The following MYO1D variants were observed in gnomAD, a reference collection of about 807,000 sequenced individuals.
The protein encoded by MYO1D is unconventional myosin-Id.
Under a neutral mutation model 122.0 loss-of-function variants are expected in MYO1D, and 83 were observed. The ratio of observed to expected loss-of-function variants is 0.68; its 90% confidence interval spans 0.57 to 0.82. The LOEUF is 0.82. Ranked by LOEUF, MYO1D falls within the 40% of genes least tolerant of loss-of-function variation. The probability of loss-of-function intolerance (pLI) is 0.00; values close to 1 mark genes in which losing one functional copy is unlikely to be tolerated. For synonymous variants in MYO1D, 464 were observed against 446.9 expected (o/e 1.04, Z -0.48); for missense variants, 1,157 against 1,269.5 (o/e 0.91, Z 1.35).
At chr17:32,874,286 CTTT>C (rs1211504949) in intron 1 of MYO1D, among the ~76,000 whole-genome samples, 1 of 151,900 alleles carries the variant, frequency 6.6e-6, no homozygotes, top group East Asian at 1.9e-4. Flanking sequence ...CTTCCTTCCT[CTTT>C]ATCTGTCTCT....
At chr17:32,773,216 A>G (rs1202087944) in intron 4 of MYO1D, among the ~76,000 whole-genome samples, 1 of 151,886 alleles carries the variant, frequency 6.6e-6, no homozygotes, top group Non-Finnish European at 1.5e-5. Flanking sequence ...CTCTCTTACT[A>G]TCCCTCAACC....
intron 21 of MYO1D, among the ~76,000 whole-genome samples, chr17:32,534,366 T>C (rs1433010027): frequency 6.6e-6 from 1 of 152,060 alleles, no homozygotes; most frequent in East Asian, 1.9e-4. Context: ...AGAGATAAGG[T>C]CTTGCTATGT....
At chr17:32,846,193 A>G (rs2090936352) in intron 1 of MYO1D, among the ~76,000 whole-genome samples, 2 of 152,236 alleles carry the variant, frequency 1.3e-5, no homozygotes, top group Admixed American at 1.3e-4. Context: ...GGGCTTCGTC[A>G]CACAAGACAA....
intron 16 of MYO1D, among the ~76,000 whole-genome samples, chr17:32,692,214 T>G (rs952622791): frequency 6.6e-6 from 1 of 152,208 alleles, no homozygotes; most frequent in Non-Finnish European, 1.5e-5. Flanking sequence ...CAAAACTTGA[T>G]AGTCCAAGCA....
chr17:32,677,294 T>C (rs2088825893), intron 16 of MYO1D, among the ~76,000 whole-genome samples: 1 of 152,162 alleles, frequency 6.6e-6, no homozygotes, highest in African/African-American at 2.4e-5. Flanking sequence ...CTTTATTTTA[T>C]AATCACTCCA....
intron 21 of MYO1D, among the ~76,000 whole-genome samples, chr17:32,533,743 C>T (rs1910578576): frequency 6.6e-6 from 1 of 152,172 alleles, no homozygotes; most frequent in Non-Finnish European, 1.5e-5. Flanking sequence ...TCTCTGCTCC[C>T]TCCTGGCTTT....
At chr17:32,748,671 C>T (rs887462131) in intron 12 of MYO1D, among the ~76,000 whole-genome samples, 3 of 152,104 alleles carry the variant, frequency 2.0e-5, no homozygotes, top group Non-Finnish European at 2.9e-5. Flanking sequence ...TTTATTGACC[C>T]GCCAGCTGAT....
chr17:32,861,683 C>T (rs1022123889), intron 1 of MYO1D, among the ~76,000 whole-genome samples: 2 of 152,112 alleles, frequency 1.3e-5, no homozygotes, highest in South Asian at 2.1e-4. Flanking sequence ...AGACTCTAGC[C>T]TCACTGGATA....
At chr17:32,832,756 C>T (rs1349144413) in intron 1 of MYO1D, among the ~76,000 whole-genome samples, 1 of 152,114 alleles carries the variant, frequency 6.6e-6, no homozygotes, top group East Asian at 1.9e-4. Flanking sequence ...AAAAGGCATG[C>T]TTTATTTTTA....
At chr17:32,751,301 T>C (rs1016925633) in intron 11 of MYO1D, among the ~76,000 whole-genome samples, 5 of 152,110 alleles carry the variant, frequency 3.3e-5, no homozygotes, top group Non-Finnish European at 7.4e-5. Flanking sequence ...AATGATGATA[T>C]CCAGCTCAAC....
At chr17:32,593,442 G>A (rs1465314317) in intron 21 of MYO1D, among the ~76,000 whole-genome samples, 1 of 152,166 alleles carries the variant, frequency 6.6e-6, no homozygotes, top group Non-Finnish European at 1.5e-5. Context: ...TACAATTGTT[G>A]CTCTCTAAGC....
chr17:32,794,774 G>A (rs1204362364), intron 1 of MYO1D, among the ~76,000 whole-genome samples: 1 of 152,140 alleles, frequency 6.6e-6, no homozygotes, highest in African/African-American at 2.4e-5. Flanking sequence ...GCCAGAGCGC[G>A]CAAGGCCTTA....
At chr17:32,712,860 TCA>T (rs1044194943) in intron 15 of MYO1D, among the ~76,000 whole-genome samples, 2 of 152,016 alleles carry the variant, frequency 1.3e-5, no homozygotes, top group African/African-American at 4.8e-5. Context: ...AGTCACAGAG[TCA>T]CAGTCTTTTG....
Position 32,759,490 on chromosome 17 carries a change from G to A in MYO1D, c.1296+800C>T, listed in dbSNP as rs186292479. On this transcript the variant is annotated intron_variant, in intron 10 of 21. Transcript: ENST00000318217. ...GCTTCATTTCTATTCTCTGGCAAGA[G>A]GATGAACAATCATATAAACTCAAAC... Among the ~76,000 whole-genome samples, 48 of 152,206 alleles carry A rather than the reference G, an allele frequency of 3.2e-4. 1 individual carries two copies. Among genetic ancestry groups the A allele is most frequent in the Middle Eastern group, 6.8e-3 (2 of 294 alleles).
At chr17:32,495,361 C>G (rs1161687029) in intron 21 of MYO1D, among the ~76,000 whole-genome samples, 1 of 152,246 alleles carries the variant, frequency 6.6e-6, no homozygotes, top group African/African-American at 2.4e-5. Flanking sequence ...CTGTCACACC[C>G]CGGCTGGTGG....
chr17:32,495,169 C>T (rs1393880841), intron 21 of MYO1D, among the ~76,000 whole-genome samples: 1 of 152,236 alleles, frequency 6.6e-6, no homozygotes, highest in Non-Finnish European at 1.5e-5. Flanking sequence ...AGTGGAGGGC[C>T]ATGTGGTTGA....
intron 1 of MYO1D, among the ~76,000 whole-genome samples, chr17:32,789,013 GTTT>G (rs59502226): frequency 6.6e-6 from 1 of 151,588 alleles, no homozygotes; most frequent in Non-Finnish European, 1.5e-5. Context: ...GTTTTGTTTT[GTTT>G]TTTTAGCTGT....
chr17:32,578,807 C>T (rs889497400), intron 21 of MYO1D, among the ~76,000 whole-genome samples: 4 of 152,072 alleles, frequency 2.6e-5, no homozygotes, highest in African/African-American at 9.7e-5. Flanking sequence ...GCCTTTTGAC[C>T]TCCCATTTAT....
intron 14 of MYO1D, 94 bp from the exon 15 acceptor site, chr17:32,721,283 A>T (rs2089507845): frequency 8.8e-7 from 1 of 1,134,774 alleles, no homozygotes; most frequent in Admixed American, 2.0e-5. Flanking sequence ...GTGTCAAGTT[A>T]AGCTCAGTGC....
Sources: gnomAD v4.1 joint callset for allele counts (sites outside exome capture counted in the v4.1 genomes callset) on GRCh38, gnomAD v4.1.1 for gene constraint, MANE v1.5 for transcripts, NCBI Gene and HGNC (gene_info 2026-07-23, HGNC 2026-07-21) for gene names.